The following SEMA3E variants were observed in gnomAD, a reference collection of about 807,000 sequenced individuals.
SEMA3E encodes the protein semaphorin 3E, also known as semaphorin-3E.
Under a neutral mutation model 93.6 loss-of-function variants are expected in SEMA3E, and 49 were observed. That is an observed-to-expected ratio of 0.52 (90% CI 0.42 to 0.66). The LOEUF is 0.66. Ranked by LOEUF, SEMA3E falls within the 30% of genes least tolerant of loss-of-function variation. The probability of loss-of-function intolerance (pLI) is 0.00; values close to 1 mark genes in which losing one functional copy is unlikely to be tolerated. For synonymous variants in SEMA3E, 363 were observed against 330.7 expected, an observed-to-expected ratio of 1.10 and a Z score of -1.06; for missense variants, 906 against 964.8, an observed-to-expected ratio of 0.94 and a Z score of 0.81.
At chr7:83,641,283 T>C in intron 1 of SEMA3E, 1 of 547,708 alleles carries the variant, frequency 1.8e-6, no homozygotes, top group Non-Finnish European at 2.3e-6. Context: ...GAGCACTTGT[T>C]GAATGCCTAC....
rs560031318 is a variant in SEMA3E at position 83,606,073 on chromosome 7, C to T, written c.115+42355G>A. Among the ~76,000 whole-genome samples, 14 of 152,272 alleles carry T rather than the reference C, an allele frequency of 9.2e-5. No individual in the cohort carries two copies. In the South Asian group the frequency reaches 2.1e-3, roughly 23 times the overall value. On this transcript the variant is annotated intron_variant, in intron 1 of 16. Coordinates refer to ENST00000643230, the MANE Select transcript of SEMA3E (RefSeq NM_012431.3). ...AAATCCAGAATCCCAATTACCCTTC[C>T]GTAAGCAGCAATCATTACATGTTTT...
intron 1 of SEMA3E, among the ~76,000 whole-genome samples, chr7:83,579,500 A>C (rs962313914): frequency 6.6e-6 from 1 of 152,230 alleles, no homozygotes; most frequent in African/African-American, 2.4e-5. Flanking sequence ...AACTAAGTCA[A>C]ATTATGAATA....
chr7:83,393,947 A>G (rs1562760912), intron 13 of SEMA3E, among the ~76,000 whole-genome samples: 1 of 152,188 alleles, frequency 6.6e-6, no homozygotes, highest in Non-Finnish European at 1.5e-5. Flanking sequence ...CTTCCTTTCT[A>G]TAGAGATAGA....
At chr7:83,376,382 T>C (rs1480615569) in intron 16 of SEMA3E, among the ~76,000 whole-genome samples, 3 of 152,072 alleles carry the variant, frequency 2.0e-5, no homozygotes, top group Non-Finnish European at 4.4e-5. Context: ...CATAACCCAA[T>C]ATTAAAAGTT....
intron 4 of SEMA3E, among the ~76,000 whole-genome samples, chr7:83,464,682 A>G (rs1789711888): frequency 7.6e-6 from 1 of 131,902 alleles, no homozygotes; most frequent in South Asian, 2.8e-4. Flanking sequence ...TTCATCCAAA[A>G]CCGTATCCAG....
At chr7:83,624,430 T>A (rs527915862) in intron 1 of SEMA3E, among the ~76,000 whole-genome samples, 272 of 151,964 alleles carry the variant, frequency 1.8e-3, no homozygotes, top group African/African-American at 6.3e-3. Context: ...ATGGCATGAG[T>A]TGGTATGTCA....
chr7:83,597,139 T>A (rs1017356376), intron 1 of SEMA3E, among the ~76,000 whole-genome samples: 1 of 152,124 alleles, frequency 6.6e-6, no homozygotes, highest in African/African-American at 2.4e-5. Flanking sequence ...CACATATCTA[T>A]ACTCCTGGAA....
chr7:83,536,233 A>T (rs58329618), intron 1 of SEMA3E, among the ~76,000 whole-genome samples: 28,504 of 152,036 alleles, frequency 0.19, 2,939 homozygotes, highest in Middle Eastern at 0.37. Flanking sequence ...ACCAAATAAC[A>T]TCTTTAAACT....
At chr7:83,455,200 T>C (rs540318437) in intron 4 of SEMA3E, among the ~76,000 whole-genome samples, 2 of 152,348 alleles carry the variant, frequency 1.3e-5, no homozygotes, top group African/African-American at 4.8e-5. Context: ...TAAATAAATA[T>C]AGACTGAGAA....
At chr7:83,492,248 T>A (rs1417520268) in intron 1 of SEMA3E, among the ~76,000 whole-genome samples, 1 of 151,898 alleles carries the variant, frequency 6.6e-6, no homozygotes, top group East Asian at 1.9e-4. Flanking sequence ...GATTCAATTA[T>A]GAGGGATTTT....
At chr7:83,430,423 CCA>C (rs1423011994) in intron 4 of SEMA3E, among the ~76,000 whole-genome samples, 1 of 151,960 alleles carries the variant, frequency 6.6e-6, no homozygotes, top group Non-Finnish European at 1.5e-5. Flanking sequence ...CAAAATCCCG[CCA>C]CTGCACTCCA....
rs1342711657 is a variant in SEMA3E, at chr7:83,406,031, A to T, written c.842T>A (p.Val281Glu). 3 of 1,613,070 alleles carry T rather than the reference A, an allele frequency of 1.9e-6. No homozygotes were observed. The highest frequency in any genetic ancestry group is 2.5e-6 in the Non-Finnish European group (3 of 1,179,328). The change falls in exon 8 of 17, where the codon GTG becomes GAG. Residue 281 changes from valine (V) to glutamate (E), a missense_variant. By Grantham distance (121) the Val-to-Glu change is moderately radical (BLOSUM62 -2). Transcript: ENST00000643230. ...VNDVGGQRIL[V>E]NKWSTFLKAR... ...TTTTAGGAAAGTGCTCCACTTATTC[A>T]CCAGTATTCTCTGCCCTCCTACATC...
At chr7:83,482,845 T>C (rs1021477396) in intron 2 of SEMA3E, among the ~76,000 whole-genome samples, 18 of 151,932 alleles carry the variant, frequency 1.2e-4, no homozygotes, top group Non-Finnish European at 2.1e-4. Context: ...AGAAAGAAAA[T>C]AGATTTTAAA....
intron 12 of SEMA3E, 88 bp from the exon 13 acceptor site, chr7:83,394,426 C>T (rs1250981700): frequency 9.3e-7 from 1 of 1,072,524 alleles, no homozygotes; most frequent in Non-Finnish European, 1.4e-6. Flanking sequence ...AATTACATTA[C>T]TTATATAAGT....
intron 16 of SEMA3E, among the ~76,000 whole-genome samples, chr7:83,380,517 C>T (rs568624839): frequency 2.2e-4 from 33 of 151,976 alleles, no homozygotes; most frequent in African/African-American, 7.5e-4. Flanking sequence ...CATCTTGTAA[C>T]ATAAGCTAAC....
chr7:83,368,450 C>T (rs1794706683), intron 16 of SEMA3E, among the ~76,000 whole-genome samples: 1 of 151,882 alleles, frequency 6.6e-6, no homozygotes, highest in Admixed American at 6.6e-5. Context: ...GAACAAATAC[C>T]ACTTCCCACA....
chr7:83,464,318 C>T (rs62460823), intron 4 of SEMA3E, among the ~76,000 whole-genome samples: 15,800 of 151,506 alleles, frequency 0.1, 986 homozygotes, highest in Non-Finnish European at 0.14. Flanking sequence ...CCTGTATAGA[C>T]GCTCCTTTTT....
intron 6 of SEMA3E, 85 bp downstream of exon 6, chr7:83,408,283 T>C: frequency 6.7e-7 from 1 of 1,489,376 alleles, no homozygotes; most frequent in East Asian, 2.3e-5. Flanking sequence ...ATTTATATTC[T>C]TATTATTATC....
intron 1 of SEMA3E, among the ~76,000 whole-genome samples, chr7:83,501,191 A>T (rs1490369615): frequency 6.6e-6 from 1 of 152,202 alleles, no homozygotes. Context: ...ACATTAAAAT[A>T]CATATTTAAC....
Sources: allele counts gnomAD v4.1 joint callset (sites outside exome capture counted in the v4.1 genomes callset), GRCh38; gene constraint gnomAD v4.1.1; transcripts MANE v1.5; gene names NCBI Gene and HGNC (gene_info 2026-07-23, HGNC 2026-07-21).